CLINT1: variants seen among roughly 807,000 people sequenced by gnomAD.
CLINT1 encodes clathrin interactor 1.
In CLINT1, 15 loss-of-function variants were observed where a neutral mutation model predicts 70.4. That is an observed-to-expected ratio of 0.21 (90% CI 0.14 to 0.33). CLINT1 has a LOEUF of 0.33. Ranked by LOEUF, CLINT1 falls within the 10% of genes least tolerant of loss-of-function variation. CLINT1 has a pLI of 1.00. For synonymous variants in CLINT1, 227 were observed against 254.7 expected (o/e 0.89, Z 1.04); for missense variants, 615 against 778.1 (o/e 0.79, Z 2.49).
At chr5:157,850,508 G>C (rs982216093) in intron 1 of CLINT1, among the ~76,000 whole-genome samples, 1 of 150,860 alleles carries the variant, frequency 6.6e-6, no homozygotes, top group Non-Finnish European at 1.5e-5. Flanking sequence ...TTACTTGGGG[G>C]ACTAAGGTGG....
chr5:157,824,159 A>T (rs1346363906), intron 1 of CLINT1, among the ~76,000 whole-genome samples: 1 of 152,236 alleles, frequency 6.6e-6, no homozygotes, highest in East Asian at 1.9e-4. Flanking sequence ...TCCATCCATA[A>T]CATTAGATAA....
At chr5:157,830,780 CTCTCTCTCTCTCTCTCTATA>C (rs1311753220) in intron 1 of CLINT1, among the ~76,000 whole-genome samples, 1 of 132,204 alleles carries the variant, frequency 7.6e-6, no homozygotes, top group Non-Finnish European at 1.6e-5. Flanking sequence ...CTCTCTCTCT[CTCTCTCTCTCTCTCTCTATA>C]TATATATATA....
chr5:157,857,334 T>C (rs370075630), intron 1 of CLINT1, among the ~76,000 whole-genome samples: 9 of 152,160 alleles, frequency 5.9e-5, no homozygotes, highest in Admixed American at 4.6e-4. Flanking sequence ...CCAATGAACC[T>C]AGATCTGGAA....
intron 3 of CLINT1, among the ~76,000 whole-genome samples, chr5:157,815,120 T>TACACACACACACACAC (rs150242169): frequency 1.1e-3 from 151 of 142,192 alleles, no homozygotes; most frequent in African/African-American, 3.8e-3. Flanking sequence ...TCTTCACACA[T>TACACACACACACACAC]ACACACACAC....
chr5:157,809,372 G>A (rs568225856), intron 6 of CLINT1, among the ~76,000 whole-genome samples: 1 of 151,806 alleles, frequency 6.6e-6, no homozygotes. Flanking sequence ...GTTAACAAAT[G>A]CACCATAGTA....
chr5:157,823,788 C>T (rs1030112209), intron 1 of CLINT1: 21 of 710,162 alleles, frequency 3.0e-5, no homozygotes, highest in South Asian at 6.4e-5. Flanking sequence ...CCCGGAGTTG[C>T]GGACCGGCCT....
At chr5:157,806,956 G>C (rs949652381) in intron 6 of CLINT1, among the ~76,000 whole-genome samples, 1 of 141,212 alleles carries the variant, frequency 7.1e-6, no homozygotes, top group African/African-American at 2.8e-5. Context: ...TTTTTCTGAT[G>C]TAAGTAGGAG....
Position 157,803,712 on chromosome 5 carries a change from A to G in CLINT1, c.950T>C (p.Val317Ala), listed in dbSNP as rs1172956782. ...GTCACCAGATGACTTGCTGCTAGGCACTGAAGTCTGAAAACACACACATAA... is the reference window on the plus strand; with the variant it reads ...GTCACCAGATGACTTGCTGCTAGGCGCTGAAGTCTGAAAACACACACATAA... ...HTPQSSVKTS[V>A]PSSKSSGDLV... Residue 317 changes from valine (V) to alanine (A), a missense_variant, in exon 8 of 12, where the codon GTG (valine) becomes GCG (alanine). By Grantham distance (64) the Val-to-Ala change is moderately conservative. Around this residue, in one of 2 missense-constraint regions of CLINT1, gnomAD observed 374 missense variants for 409.6 expected, o/e 0.91. Coordinates refer to ENST00000411809, the MANE Select transcript of CLINT1 (RefSeq NM_014666.4). 6.4e-7 allele frequency: 1 copy of G among 1,553,270 alleles called. No homozygotes were observed. The highest frequency in any genetic ancestry group is 1.3e-5 in the South Asian group (1 of 79,206).
At position 157,809,825 on chromosome 5, in the gene CLINT1, A is replaced by C. The variant is rs555466619; in HGVS notation, c.518-20T>G. On this transcript the variant is annotated intron_variant, in intron 5 of 11. Coordinates refer to ENST00000411809, the MANE Select transcript of CLINT1 (RefSeq NM_014666.4). ...TTTCACCTAGATAGAGCATTAAAAA[A>C]AGAAGCAATTCTAACGACATTAAAT... 6.2e-6 allele frequency: 10 copies of C among 1,601,008 alleles called. No homozygotes were observed. In the East Asian group the frequency reaches 2.0e-4, roughly 32 times the overall value.
At chr5:157,855,715 A>G (rs1447092945) in intron 1 of CLINT1, among the ~76,000 whole-genome samples, 3 of 152,186 alleles carry the variant, frequency 2.0e-5, no homozygotes, top group African/African-American at 4.8e-5. Flanking sequence ...TGGGTGGATC[A>G]CCTGAGGTCA....
intron 1 of CLINT1, among the ~76,000 whole-genome samples, chr5:157,857,224 C>CAAA (rs34211902): frequency 6.6e-5 from 8 of 120,674 alleles, no homozygotes; most frequent in Non-Finnish European, 1.2e-4. Context: ...GAGACCCCAT[C>CAAA]AAAAAAAAAA....
intron 1 of CLINT1, among the ~76,000 whole-genome samples, chr5:157,856,940 A>G (rs1753777170): frequency 6.6e-6 from 1 of 152,222 alleles, no homozygotes; most frequent in African/African-American, 2.4e-5. Context: ...GCAAATATGA[A>G]AGGTACAACA....
At chr5:157,828,893 A>T (rs1356757027) in intron 1 of CLINT1, among the ~76,000 whole-genome samples, 3 of 148,248 alleles carry the variant, frequency 2.0e-5, no homozygotes, top group African/African-American at 7.5e-5. Flanking sequence ...GTTCGAGACC[A>T]GCCTGGCCAA....
intron 1 of CLINT1, among the ~76,000 whole-genome samples, chr5:157,826,710 C>T (rs1763052310): frequency 6.6e-6 from 1 of 152,034 alleles, no homozygotes; most frequent in Non-Finnish European, 1.5e-5. Flanking sequence ...AAACTTTGTA[C>T]AGAAAAATCT....
At chr5:157,794,318 A>C (rs1762004403) in intron 9 of CLINT1, among the ~76,000 whole-genome samples, 1 of 152,156 alleles carries the variant, frequency 6.6e-6, no homozygotes, top group Non-Finnish European at 1.5e-5. Flanking sequence ...CTTTCACCTC[A>C]ATCCTTGATG....
intron 1 of CLINT1, among the ~76,000 whole-genome samples, chr5:157,846,088 CAATT>C (rs1753367079): frequency 6.6e-6 from 1 of 152,082 alleles, no homozygotes; most frequent in Admixed American, 6.6e-5. Context: ...GACATTAGGT[CAATT>C]AATAACCCTA....
intron 3 of CLINT1, among the ~76,000 whole-genome samples, chr5:157,815,701 A>T (rs1418859663): frequency 3.3e-5 from 5 of 152,246 alleles, no homozygotes; most frequent in African/African-American, 1.2e-4. Context: ...TATTAATATC[A>T]TAGAGTGTAC....
At chr5:157,797,925 CAT>C (rs1376351038) in intron 8 of CLINT1, among the ~76,000 whole-genome samples, 3 of 152,196 alleles carry the variant, frequency 2.0e-5, no homozygotes, top group Non-Finnish European at 4.4e-5. Flanking sequence ...TTGATTTCAA[CAT>C]GAGTAGCTTA....
intron 1 of CLINT1, among the ~76,000 whole-genome samples, chr5:157,830,757 C>CCTCTCTCTCT (rs373819711): frequency 1.4e-4 from 12 of 87,402 alleles, no homozygotes; most frequent in East Asian, 3.4e-4. Flanking sequence ...CCTCTCTCTC[C>CCTCTCTCTCT]CTCTCTCTCT....
Sources: gnomAD v4.1 joint callset for allele counts (sites outside exome capture counted in the v4.1 genomes callset) on GRCh38, gnomAD v4.1.1 for gene constraint, gnomAD v4.1.1 regional missense constraint, MANE v1.5 for transcripts, NCBI Gene and HGNC (gene_info 2026-07-23, HGNC 2026-07-21) for gene names.